SHISA6: variants seen among roughly 807,000 people sequenced by gnomAD.
The protein encoded by SHISA6 is protein shisa-6.
In SHISA6, 22 loss-of-function variants were observed where a neutral mutation model predicts 47.9. That is an observed-to-expected ratio of 0.46 (90% CI 0.33 to 0.66). The LOEUF (loss-of-function observed/expected upper bound fraction) is 0.66. Among genes scored for constraint, SHISA6 ranks in the 30% least tolerant of loss-of-function variants. SHISA6 has a pLI of 0.02. For missense variants in SHISA6, 680 were observed against 764.6 expected (o/e 0.89, Z 1.30); for synonymous variants, 388 against 337.8 (o/e 1.15, Z -1.63).
At chr17:11,302,626 G>C (rs911911665) in intron 2 of SHISA6, among the ~76,000 whole-genome samples, 16 of 152,200 alleles carry the variant, frequency 1.1e-4, no homozygotes, top group African/African-American at 2.4e-5. Flanking sequence ...TGAGGAAATA[G>C]CCTGAGTGCA....
chr17:11,300,921 C>A (rs902545500), intron 2 of SHISA6, among the ~76,000 whole-genome samples: 2 of 149,350 alleles, frequency 1.3e-5, no homozygotes, highest in Non-Finnish European at 3.0e-5. Flanking sequence ...ATTGTTCAGC[C>A]CTGTATGGGG....
At chr17:11,311,219 T>C (rs1245919277) in intron 2 of SHISA6, among the ~76,000 whole-genome samples, 3 of 148,318 alleles carry the variant, frequency 2.0e-5, no homozygotes, top group East Asian at 3.9e-4. Flanking sequence ...AAGGCAGAGG[T>C]TGCAGTGAGC....
intron 2 of SHISA6, among the ~76,000 whole-genome samples, chr17:11,345,595 A>G (rs148651398): frequency 7.1e-4 from 108 of 152,242 alleles, no homozygotes; most frequent in East Asian, 3.3e-3. Flanking sequence ...TTGTCTTCCA[A>G]TCCATGAACG....
chr17:11,258,341 G>A (rs912362319), intron 1 of SHISA6, among the ~76,000 whole-genome samples: 1 of 152,198 alleles, frequency 6.6e-6, no homozygotes, highest in African/African-American at 2.4e-5. Flanking sequence ...GAGGCCGAAG[G>A]TTTGTTTCCA....
At chr17:11,374,966 C>G (rs1912748253) in intron 2 of SHISA6, among the ~76,000 whole-genome samples, 1 of 151,940 alleles carries the variant, frequency 6.6e-6, no homozygotes, top group African/African-American at 2.4e-5. Context: ...TAAGAGTGTC[C>G]CTCCACCAGT....
chr17:11,241,566 G>C lies in SHISA6; in HGVS notation c.144G>C (p.Gly48=). 9.1e-7 allele frequency: 1 copy of C among 1,098,706 alleles called. No homozygotes were observed. The highest frequency in any genetic ancestry group is 1.1e-6 in the Non-Finnish European group (1 of 905,220). The allele number at this position is 1,098,706 out of a possible 1,614,324, so 68.1% of individuals were successfully genotyped here. ...CTGCCGTCGGGGGCCGGAGGGCCGG[G>C]GGCGCCCTGGCACGGGGCGGCCGCG... is the stretch of plus-strand genomic sequence containing the variant. ...GGAAVGGRRA[G]GALARGGREL... is the part of the protein sequence containing the mutation. The change falls in exon 1 of 6, where the codon GGG becomes GGC. Residue 48 remains glycine, a synonymous_variant. Coordinates refer to ENST00000441885, the MANE Select transcript of SHISA6 (RefSeq NM_207386.4). The surrounding 1 kb of genome is among the most constrained non-coding windows in gnomAD (Gnocchi z 5.5).
At chr17:11,552,984 G>A (rs1266347644) in intron 4 of SHISA6, among the ~76,000 whole-genome samples, 1 of 152,160 alleles carries the variant, frequency 6.6e-6, no homozygotes, top group African/African-American at 2.4e-5. Flanking sequence ...ATTGGAGAAA[G>A]TTCCTTACTA....
intron 3 of SHISA6, among the ~76,000 whole-genome samples, chr17:11,420,412 A>G (rs548990715): frequency 1.3e-5 from 2 of 152,308 alleles, no homozygotes; most frequent in South Asian, 2.1e-4. Flanking sequence ...GCAATCTCCA[A>G]AGAGTCACAC....
At chr17:11,441,628 T>A (rs1418857362) in intron 3 of SHISA6, among the ~76,000 whole-genome samples, 2 of 152,220 alleles carry the variant, frequency 1.3e-5, no homozygotes, top group Non-Finnish European at 2.9e-5. Flanking sequence ...AAGATGTTGT[T>A]AGTAGTGAGT....
intron 2 of SHISA6, among the ~76,000 whole-genome samples, chr17:11,374,104 T>TA (rs1413674738): frequency 6.6e-6 from 1 of 152,254 alleles, no homozygotes; most frequent in Non-Finnish European, 1.5e-5. Context: ...TGTGAAGTGA[T>TA]ACCTCATTAT....
chr17:11,362,107 A>G (rs1022703762), intron 2 of SHISA6, among the ~76,000 whole-genome samples: 2 of 152,086 alleles, frequency 1.3e-5, no homozygotes, highest in Admixed American at 1.3e-4. Flanking sequence ...CATCATTAAG[A>G]TCTCCATTCC....
chr17:11,296,608 A>G (rs1201632282), intron 2 of SHISA6, among the ~76,000 whole-genome samples: 1 of 152,156 alleles, frequency 6.6e-6, no homozygotes, highest in Non-Finnish European at 1.5e-5. Flanking sequence ...TTGCTTACCT[A>G]TAGAGCCCAG....
At chr17:11,295,759 T>A (rs1909729919) in intron 2 of SHISA6, among the ~76,000 whole-genome samples, 1 of 151,808 alleles carries the variant, frequency 6.6e-6, no homozygotes, top group East Asian at 1.9e-4. Context: ...GTCAGGAGAT[T>A]AAGACCATCC....
intron 3 of SHISA6, among the ~76,000 whole-genome samples, chr17:11,409,857 C>T (rs1178757923): frequency 6.6e-6 from 1 of 152,152 alleles, no homozygotes; most frequent in Non-Finnish European, 1.5e-5. Flanking sequence ...GTGCCACCAC[C>T]AAAATTTACC....
intron 3 of SHISA6, among the ~76,000 whole-genome samples, chr17:11,414,159 G>A (rs1468917800): frequency 2.0e-5 from 3 of 147,860 alleles, no homozygotes; most frequent in African/African-American, 5.0e-5. Flanking sequence ...TCTTTCTTCT[G>A]TACTCCTCCT....
rs145792730 is a variant in SHISA6, at chr17:11,389,377, T to C, written c.895+9868T>C. 9.9e-5 allele frequency among the ~76,000 whole-genome samples: 15 copies of C among 152,282 alleles called. No individual in the cohort carries two copies. In the East Asian group the frequency reaches 2.9e-3, roughly 30 times the overall value. On this transcript the variant is annotated intron_variant, in intron 3 of 5. Coordinates refer to ENST00000441885, the MANE Select transcript of SHISA6 (RefSeq NM_207386.4). ...TTTCAGCTCTTACCTGTAGGGTACA[T>C]GTATGCTTTCTTCAAAAGGGGAATA...
At chr17:11,270,768 C>T (rs761847703) in intron 2 of SHISA6, among the ~76,000 whole-genome samples, 1 of 152,218 alleles carries the variant, frequency 6.6e-6, no homozygotes, top group Non-Finnish European at 1.5e-5. Flanking sequence ...CTGAAAGTCC[C>T]AGCCATCTTC....
rs528436683 is a variant in SHISA6, at chr17:11,248,562, G to C, written c.638+6502G>C. Among the ~76,000 whole-genome samples, 13 of 152,264 alleles carry C rather than the reference G, an allele frequency of 8.5e-5. No homozygotes were observed. The East Asian group carries it at 2.1e-3, about 25-fold the overall frequency. On this transcript the variant is annotated intron_variant, in intron 1 of 5. Transcript: ENST00000441885. Reference sequence around the variant, plus strand: ...ATAACTTTGGGATCCTTAGAGATGTGAGTTACAGCCTTCTCCTTTCTCTTT... The same window carrying C: ...ATAACTTTGGGATCCTTAGAGATGTCAGTTACAGCCTTCTCCTTTCTCTTT...
chr17:11,512,204 A>G (rs1166625059), intron 3 of SHISA6, among the ~76,000 whole-genome samples: 2 of 152,192 alleles, frequency 1.3e-5, no homozygotes, highest in African/African-American at 4.8e-5. Flanking sequence ...TTTAAACAGC[A>G]TTATCTACAC....
Sources: allele counts gnomAD v4.1 joint callset (sites outside exome capture counted in the v4.1 genomes callset), GRCh38; gene constraint gnomAD v4.1.1; non-coding constraint Gnocchi (gnomAD v3.1); transcripts MANE v1.5; gene names NCBI Gene and HGNC (gene_info 2026-07-23, HGNC 2026-07-21).